The following CHD1L variants were observed in gnomAD, a reference collection of about 807,000 sequenced individuals.
CHD1L encodes the protein ATP-dependent chromatin remodeler CHD1L.
A neutral mutation model predicts 115.9 loss-of-function variants in CHD1L; 118 were observed. The observed-to-expected ratio is 1.02, with a 90% CI of 0.88 to 1.19. The LOEUF (loss-of-function observed/expected upper bound fraction) is 1.19, where lower values mean the gene tolerates loss of function less well. Among genes scored for constraint, CHD1L ranks in the 50% most tolerant of loss-of-function variants. The pLI, the probability that CHD1L is intolerant of heterozygous loss-of-function variation, is 0.00. For synonymous variants in CHD1L, 411 were observed against 387.1 expected (o/e 1.06, Z -0.72); for missense variants, 1,179 against 1,065.3 (o/e 1.11, Z -1.49).
chr1:147,294,275 C>T, intron 21 of CHD1L, 134 bp from the exon 22 acceptor site: 2 of 506,706 alleles, frequency 3.9e-6, no homozygotes, highest in South Asian at 5.1e-5. Context: ...TACAATTCTT[C>T]CCCCGGAATA....
At chr1:147,214,236 G>A in the CHD1L span, among the ~76,000 whole-genome samples, 5 of 152,046 alleles carry the variant, frequency 3.3e-5, no homozygotes, top group African/African-American at 7.2e-5. Context: ...TGAATCACCC[G>A]AGGTCAGGAG....
At chr1:147,203,516 C>A in the CHD1L span, 3 of 878,186 alleles carry the variant, frequency 3.4e-6, no homozygotes, top group Admixed American at 3.4e-5. Context: ...TGAGGTACTG[C>A]ATAAAGTTTA....
intron 1 of CHD1L, 40 bp downstream of exon 1, chr1:147,242,870 C>T: frequency 8.0e-7 from 1 of 1,257,480 alleles, no homozygotes; most frequent in Non-Finnish European, 1.0e-6. Flanking sequence ...GGCGGGCCAA[C>T]CTATTGGGAC....
the CHD1L span, among the ~76,000 whole-genome samples, chr1:147,192,861 C>T: frequency 5.3e-5 from 8 of 152,182 alleles, no homozygotes; most frequent in South Asian, 1.7e-3. Context: ...AGGGATGAAG[C>T]CCACTTGATC....
chr1:147,204,869 A>C, the CHD1L span: 1 of 1,594,940 alleles, frequency 6.3e-7, no homozygotes, highest in South Asian at 1.1e-5. Context: ...AATTCTGAAA[A>C]GTGTTTCGCT....
chr1:147,293,762 T>A (rs1686500889), intron 21 of CHD1L, 40 bp downstream of exon 21: 5 of 1,530,854 alleles, frequency 3.3e-6, no homozygotes, highest in Non-Finnish European at 3.6e-6. Flanking sequence ...GATGAATTTG[T>A]TTCTAGGCAT....
At chr1:147,218,330 G>A in the CHD1L span, among the ~76,000 whole-genome samples, 1 of 151,642 alleles carries the variant, frequency 6.6e-6, no homozygotes, top group Admixed American at 6.6e-5. Context: ...CTGCCTCCTG[G>A]GTTCAAGCAA....
At chr1:147,255,708 G>T in intron 3 of CHD1L, 105 bp from the exon 4 acceptor site, 1 of 748,042 alleles carries the variant, frequency 1.3e-6, no homozygotes. Flanking sequence ...GACCTCATGA[G>T]TTCTGTACAT....
chr1:147,227,735 T>A, the CHD1L span, among the ~76,000 whole-genome samples: 1 of 152,220 alleles, frequency 6.6e-6, no homozygotes, highest in African/African-American at 2.4e-5. Flanking sequence ...TGAAGGAGTG[T>A]ATGTGTATGG....
the CHD1L span, among the ~76,000 whole-genome samples, chr1:147,227,901 C>G: frequency 6.6e-6 from 1 of 152,122 alleles, no homozygotes; most frequent in Non-Finnish European, 1.5e-5. Context: ...ATTCAGCAAA[C>G]AGTCTCTTTT....
the CHD1L span, among the ~76,000 whole-genome samples, chr1:147,181,531 C>A: frequency 0.038 from 5,739 of 152,142 alleles, 114 homozygotes; most frequent in African/African-American, 0.05. Flanking sequence ...TTGAGGTTTG[C>A]GGAGATAGGT....
intron 18 of CHD1L, 68 bp from the exon 19 acceptor site, chr1:147,287,566 CT>C: frequency 1.8e-6 from 2 of 1,110,670 alleles, no homozygotes; most frequent in Non-Finnish European, 2.6e-6. Flanking sequence ...TTTTGTGTGC[CT>C]TTGTTTTTCT....
At position 147,254,908 on chromosome 1, in the gene CHD1L, T is replaced by C; in HGVS notation, c.279T>C (p.Asn93=). Residue 93 remains asparagine, a synonymous_variant, in exon 3 of 23, where the codon AAT becomes AAC. Coordinates refer to ENST00000369258, the MANE Select transcript of CHD1L (RefSeq NM_004284.6). ...ALFIYLAGRL[N]DEGPFLILCP... is the part of the protein sequence containing the mutation. ...TCATTTATTTGGCAGGAAGATTAAA[T>C]GATGAAGGGCCATTTCTGATTCTTT... is the stretch of plus-strand genomic sequence containing the variant. 1 of 1,608,734 alleles carries C rather than the reference T, an allele frequency of 6.2e-7. No homozygotes were observed. The highest frequency in any genetic ancestry group is 1.3e-5 in the African/African-American group (1 of 74,718).
upstream of CHD1L, among the ~76,000 whole-genome samples, chr1:147,241,542 G>C (rs1553930999): frequency 1.3e-5 from 2 of 152,084 alleles, no homozygotes; most frequent in South Asian, 4.1e-4. Flanking sequence ...GAAATAAACA[G>C]CTTTATTGCT....
intron 15 of CHD1L, among the ~76,000 whole-genome samples, chr1:147,282,420 T>C (rs1681268672): frequency 6.6e-6 from 1 of 152,162 alleles, no homozygotes. Flanking sequence ...TCTGTACTTG[T>C]AAGTCCTAAG....
chr1:147,290,602 G>T (rs6593756), intron 19 of CHD1L, among the ~76,000 whole-genome samples: 12 of 151,968 alleles, frequency 7.9e-5, no homozygotes, highest in Admixed American at 2.6e-4. Context: ...GTTATCAGAC[G>T]TTTATGCATT....
intron 19 of CHD1L, among the ~76,000 whole-genome samples, chr1:147,288,543 T>C (rs1333018523): frequency 6.6e-6 from 1 of 151,770 alleles, no homozygotes; most frequent in African/African-American, 2.4e-5. Context: ...TAGCCAGGCA[T>C]GGTGGCACAT....
upstream of CHD1L, among the ~76,000 whole-genome samples, chr1:147,242,082 T>C (rs587752819): frequency 6.6e-6 from 1 of 152,346 alleles, no homozygotes; most frequent in African/African-American, 2.4e-5. Flanking sequence ...TGAGTCACGG[T>C]GACCCCTAAC....
At chr1:147,293,295 A>C (rs782546293) in intron 20 of CHD1L, among the ~76,000 whole-genome samples, 1 of 130,460 alleles carries the variant, frequency 7.7e-6, no homozygotes, top group East Asian at 2.4e-4. Flanking sequence ...CATGCCTACA[A>C]TTCAGAAAAA....
Sources: allele counts gnomAD v4.1 joint callset (sites outside exome capture counted in the v4.1 genomes callset), GRCh38; gene constraint gnomAD v4.1.1; transcripts MANE v1.5; gene names NCBI Gene and HGNC (gene_info 2026-07-23, HGNC 2026-07-21).